Variants in SEPTIN14 observed in about 807,000 individuals in gnomAD.
The protein encoded by SEPTIN14 is septin-14.
In SEPTIN14, 40 loss-of-function variants were observed where a neutral mutation model predicts 53.6. The observed-to-expected ratio is 0.75, with a 90% CI of 0.58 to 0.97. The LOEUF is 0.97. Ranked by LOEUF, SEPTIN14 falls within the 50% of genes least tolerant of loss-of-function variation. The pLI, the probability that SEPTIN14 is intolerant of heterozygous loss-of-function variation, is 0.00. For synonymous variants in SEPTIN14, 138 were observed against 166.8 expected, an observed-to-expected ratio of 0.83 and a Z score of 1.33; for missense variants, 471 against 508.2, an observed-to-expected ratio of 0.93 and a Z score of 0.70.
chr7:55,807,117 T>C lies in SEPTIN14; in HGVS notation c.959A>G (p.Asp320Gly). The C allele has an allele frequency of 5.6e-6, 9 of 1,601,410 alleles. No individual in the cohort carries two copies. The highest frequency in any genetic ancestry group is 7.6e-6 in the Non-Finnish European group (9 of 1,176,526). Residue 320 changes from aspartate to glycine, a missense_variant, in exon 8 of 10, where the codon GAT becomes GGT. Physicochemically the swap from Asp to Gly is moderately conservative, Grantham distance 94 (BLOSUM62 -1). Transcript: ENST00000388975. ...YQKLQKMGFT[D>G]VGPNNQPVSF... ...AACTGGCTGGTTGTTTGGACCCACA[T>C]CTGTAAAGCCCATTTTCTGCAGTTT...
At chr7:55,807,580 T>G (rs1430356205) in intron 7 of SEPTIN14, among the ~76,000 whole-genome samples, 1 of 152,176 alleles carries the variant, frequency 6.6e-6, no homozygotes, top group Non-Finnish European at 1.5e-5. Context: ...ATAAACTACC[T>G]CTGGGTATTT....
chr7:55,855,522 A>G (rs1456700215), intron 2 of SEPTIN14, among the ~76,000 whole-genome samples: 1 of 152,174 alleles, frequency 6.6e-6, no homozygotes, highest in East Asian at 1.9e-4. Flanking sequence ...AGTATGAGCC[A>G]TAAAGAGGAA....
At chr7:55,804,134 TAAAAAAAAAAAA>T (rs35467838) in intron 9 of SEPTIN14, among the ~76,000 whole-genome samples, 1 of 47,062 alleles carries the variant, frequency 2.1e-5, no homozygotes, top group African/African-American at 8.0e-5. Flanking sequence ...AGACTCTGTC[TAAAAAAAAAAAA>T]AAAAAAAAAA....
chr7:55,838,026 G>A (rs776891892), intron 5 of SEPTIN14, among the ~76,000 whole-genome samples: 4 of 152,158 alleles, frequency 2.6e-5, no homozygotes, highest in Admixed American at 6.5e-5. Flanking sequence ...AATTCCTTCT[G>A]TATGGATAAA....
Position 55,795,441 on chromosome 7 carries a change from T to A in SEPTIN14, c.*472A>T, listed in dbSNP as rs374093628. ...AGAATCTGAAAAGAGGGACACAGGA[T>A]CTGCCTTCTGGGAGTTCATACTTTT... On this transcript the variant is annotated 3_prime_UTR_variant, in exon 10 of 10. Transcript: ENST00000388975. 1.8e-3 allele frequency: 291 copies of A among 159,796 alleles called. No homozygotes were observed. Among genetic ancestry groups the A allele is most frequent in the African/African-American group, 6.0e-3 (247 of 41,502 alleles). The allele number at this position is 159,796 out of a possible 1,614,324, so 9.9% of individuals were successfully genotyped here.
In SEPTIN14 at chr7:55,862,015, G is replaced by T; in HGVS notation, c.-15-4C>A. ...CTGCCATGCTACACTAAAAGAGCTGGAAATTTAAAAAAATAAACATTTTTA... is the reference window on the plus strand; with the variant it reads ...CTGCCATGCTACACTAAAAGAGCTGTAAATTTAAAAAAATAAACATTTTTA... On this transcript the variant is annotated splice_polypyrimidine_tract_variant and splice_region_variant and intron_variant, in intron 1 of 9. Coordinates refer to ENST00000388975, the MANE Select transcript of SEPTIN14 (RefSeq NM_207366.3). 6.5e-7 allele frequency: 1 copy of T among 1,536,602 alleles called. No individual in the cohort carries two copies. The highest frequency in any genetic ancestry group is 1.4e-5 in the African/African-American group (1 of 71,712).
chr7:55,803,968 C>CAA (rs201874545), intron 9 of SEPTIN14, among the ~76,000 whole-genome samples: 2 of 114,976 alleles, frequency 1.7e-5, no homozygotes, highest in South Asian at 2.8e-4. Flanking sequence ...ACTAAAAATA[C>CAA]AAAAAAAAAA....
intron 6 of SEPTIN14, among the ~76,000 whole-genome samples, chr7:55,820,679 C>A (rs1403948708): frequency 2.0e-5 from 3 of 152,126 alleles, no homozygotes; most frequent in African/African-American, 7.2e-5. Flanking sequence ...GTGGCTCATG[C>A]CTATAATCCT....
In SEPTIN14 at chr7:55,851,734, C is replaced by T. The variant is rs148619914; in HGVS notation, c.55-5097G>A. Among the ~76,000 whole-genome samples the T allele has an allele frequency of 3.3e-3, 507 of 152,166 alleles. 16 individuals are homozygous for T. In the East Asian group the frequency reaches 0.07, roughly 21 times the overall value. On this transcript the variant is annotated intron_variant, in intron 2 of 9. Transcript: ENST00000388975. ...ACAGAAATAGAAAAAATAGGCCGGG[C>T]GCGGTGGCTCACACCTGTAATCCCA... is the stretch of plus-strand genomic sequence containing the variant.
intron 2 of SEPTIN14, among the ~76,000 whole-genome samples, chr7:55,859,982 C>T (rs554322260): frequency 1.3e-5 from 2 of 152,136 alleles, no homozygotes; most frequent in African/African-American, 4.8e-5. Flanking sequence ...GAGTTTGAAA[C>T]CAACCTGGCC....
intron 6 of SEPTIN14, among the ~76,000 whole-genome samples, chr7:55,831,804 G>A (rs1455210609): frequency 5.3e-5 from 8 of 152,110 alleles, no homozygotes; most frequent in South Asian, 2.1e-4. Context: ...AAAAAAGACT[G>A]CAAAGGATAT....
intron 6 of SEPTIN14, among the ~76,000 whole-genome samples, chr7:55,828,734 A>G (rs897965905): frequency 1.3e-5 from 2 of 152,070 alleles, no homozygotes; most frequent in Admixed American, 1.3e-4. Context: ...TTTATAGGTG[A>G]TTTGAAAATT....
In SEPTIN14 at chr7:55,805,293, C is replaced by T. The variant is rs1176840270; in HGVS notation, c.1084G>A (p.Glu362Lys). The T allele has an allele frequency of 5.0e-6, 8 of 1,612,326 alleles. No homozygotes were observed. Among genetic ancestry groups the T allele is most frequent in the Non-Finnish European group, 6.8e-6 (8 of 1,178,872 alleles). ...GCTTCTTTAAATGTTGCTTCTTTCT[C>T]CTTGACTCGCTGCATAAATCTCTGT... ...LKQRFMQRVK[E>K]KEATFKEAEK... Residue 362 changes from glutamate to lysine, a missense_variant, in exon 9 of 10, where the codon GAG (glutamate) becomes AAG (lysine). Transcript: ENST00000388975.
intron 2 of SEPTIN14, among the ~76,000 whole-genome samples, chr7:55,855,705 C>T (rs940943334): frequency 1.3e-5 from 2 of 152,050 alleles, no homozygotes; most frequent in African/African-American, 4.8e-5. Flanking sequence ...ATAGCCGTGC[C>T]ACCACGCCCA....
At chr7:55,831,928 G>A (rs367932827) in intron 6 of SEPTIN14, among the ~76,000 whole-genome samples, 8 of 152,174 alleles carry the variant, frequency 5.3e-5, no homozygotes, top group East Asian at 1.9e-4. Context: ...AAGGCAGGGC[G>A]CAGTGGCTCA....
At chr7:55,812,258 A>G (rs1289615194) in intron 7 of SEPTIN14, among the ~76,000 whole-genome samples, 2 of 152,246 alleles carry the variant, frequency 1.3e-5, no homozygotes, top group Non-Finnish European at 2.9e-5. Flanking sequence ...GCTTTTAAAA[A>G]GAATGAAATC....
intron 6 of SEPTIN14, among the ~76,000 whole-genome samples, chr7:55,832,760 G>A (rs1789132424): frequency 6.6e-6 from 1 of 152,066 alleles, no homozygotes; most frequent in Non-Finnish European, 1.5e-5. Flanking sequence ...AGACTGGGAG[G>A]AGGCCGATGG....
At chr7:55,862,367 A>T (rs978215827) in intron 1 of SEPTIN14, among the ~76,000 whole-genome samples, 5 of 147,682 alleles carry the variant, frequency 3.4e-5, no homozygotes, top group Non-Finnish European at 7.5e-5. Flanking sequence ...AAAAATGGTT[A>T]AAAAAAAAAC....
At chr7:55,811,769 G>C (rs1432524944) in intron 7 of SEPTIN14, among the ~76,000 whole-genome samples, 1 of 151,036 alleles carries the variant, frequency 6.6e-6, no homozygotes. Flanking sequence ...AAAGCACTGG[G>C]ATTACAGGTG....
Sources: gnomAD v4.1 joint callset for allele counts (sites outside exome capture counted in the v4.1 genomes callset) on GRCh38, gnomAD v4.1.1 for gene constraint, MANE v1.5 for transcripts, NCBI Gene and HGNC (gene_info 2026-07-23, HGNC 2026-07-21) for gene names.